The following DMTN variants were observed in gnomAD, a reference collection of about 807,000 sequenced individuals.
DMTN encodes the protein dematin actin binding protein.
A neutral mutation model predicts 59.4 loss-of-function variants in DMTN; 27 were observed. That is an observed-to-expected ratio of 0.45 (90% CI 0.33 to 0.63). The LOEUF is 0.63. Among genes scored for constraint, DMTN ranks in the 20% least tolerant of loss-of-function variants. The pLI, the probability that DMTN is intolerant of heterozygous loss-of-function variation, is 0.02. For synonymous variants in DMTN, 221 were observed against 203.7 expected (o/e 1.08, Z -0.72); for missense variants, 451 against 528.9 (o/e 0.85, Z 1.45).
chr8:22,059,440 C>T (rs1313294634), intron 1 of DMTN: 1 of 152,276 alleles, frequency 6.6e-6, no homozygotes, highest in Non-Finnish European at 1.5e-5. Flanking sequence ...ACACTCCCAG[C>T]TGCTCTTCTA....
chr8:22,069,654 C>A, intron 6 of DMTN, 136 bp downstream of exon 6: 4 of 896,236 alleles, frequency 4.5e-6, no homozygotes, highest in Non-Finnish European at 5.1e-6. Flanking sequence ...AGGCCAGGAC[C>A]CCTCCCAGAG....
chr8:22,077,057 G>A (rs984051950), intron 10 of DMTN, among the ~76,000 whole-genome samples: 9 of 152,256 alleles, frequency 5.9e-5, no homozygotes, highest in Non-Finnish European at 1.3e-4. Context: ...CACAGCTGGG[G>A]GCAGGATGGG....
rs534671645 is a variant in DMTN at position 22,060,212 on chromosome 8, G to T, written c.-172+3076G>T. Among the ~76,000 whole-genome samples the T allele has an allele frequency of 2.0e-5, 3 of 152,108 alleles. No individual in the cohort carries two copies. The highest frequency in any genetic ancestry group is 1.3e-4 in the Admixed American group (2 of 15,268). On this transcript the variant is annotated intron_variant, in intron 1 of 15. Coordinates refer to ENST00000358242, the MANE Select transcript of DMTN (RefSeq NM_001387751.1). The surrounding 1 kb of genome is among the most constrained non-coding windows in gnomAD (Gnocchi z 5.0). Reference sequence around the variant, plus strand: ...TTCTATCTCTTTGTGCACGGAGGTCGCTGGGACCTTGGGGATGCAGGCACA... The same window carrying T: ...TTCTATCTCTTTGTGCACGGAGGTCTCTGGGACCTTGGGGATGCAGGCACA...
chr8:22,081,213 T>G lies in DMTN; in HGVS notation c.1104+20T>G. 1 of 1,612,822 alleles carries G rather than the reference T, an allele frequency of 6.2e-7. No homozygotes were observed. The highest frequency in any genetic ancestry group is 8.5e-7 in the Non-Finnish European group (1 of 1,179,512). On this transcript the variant is annotated intron_variant, in intron 15 of 15. Coordinates refer to ENST00000358242, the MANE Select transcript of DMTN (RefSeq NM_001387751.1). ...CTTGAGGTAGGCAAGGAAGATGCCC[T>G]GGATGGGTGCGGGGCTGTCCACGGG...
upstream of DMTN, among the ~76,000 whole-genome samples, chr8:22,050,300 G>T (rs1406178009): frequency 6.6e-6 from 1 of 152,068 alleles, no homozygotes; most frequent in East Asian, 1.9e-4. Flanking sequence ...GACTTTGGGG[G>T]GTGGCTGGGG....
chr8:22,078,463 A>G (rs960815037), intron 10 of DMTN, among the ~76,000 whole-genome samples: 4 of 146,284 alleles, frequency 2.7e-5, no homozygotes, highest in Admixed American at 7.0e-5. Flanking sequence ...ATAGTTCCTC[A>G]TAGTTTTGAA....
At chr8:22,067,438 C>A in intron 3 of DMTN, 89 bp from the exon 4 acceptor site, 1 of 1,549,708 alleles carries the variant, frequency 6.5e-7, no homozygotes, top group Non-Finnish European at 8.7e-7. Flanking sequence ...GGTCCATTTT[C>A]TTGGTAATTG....
At chr8:22,078,786 T>C (rs1279685402) in intron 10 of DMTN, among the ~76,000 whole-genome samples, 1 of 136,752 alleles carries the variant, frequency 7.3e-6, no homozygotes, top group Admixed American at 8.4e-5. Context: ...TTCTGTAGTA[T>C]AATGTCAGAC....
At chr8:22,052,682 T>G (rs1442876813), upstream of DMTN, among the ~76,000 whole-genome samples, 2 of 152,174 alleles carry the variant, frequency 1.3e-5, no homozygotes, top group East Asian at 3.8e-4. Flanking sequence ...AAGCAACCTT[T>G]TTTTTTTCGT....
chr8:22,049,179 G>A (rs1801062473), upstream of DMTN: 2 of 150,574 alleles, frequency 1.3e-5, no homozygotes, highest in Admixed American at 6.6e-5. Context: ...CGGGCGGCCC[G>A]CGGACGCCAG....
At chr8:22,059,892 G>A (rs547377683) in intron 1 of DMTN, among the ~76,000 whole-genome samples, 19 of 152,286 alleles carry the variant, frequency 1.2e-4, no homozygotes, top group Admixed American at 1.0e-3. Flanking sequence ...AGAAGAGCGC[G>A]CCAGGATGAG....
chr8:22,082,174 G>C lies in DMTN; in HGVS notation c.*711G>C. The C allele has an allele frequency of 2.2e-6, 1 of 456,854 alleles. No homozygotes were observed. The highest frequency in any genetic ancestry group is 4.4e-6 in the Non-Finnish European group (1 of 226,986). The allele number at this position is 456,854 out of a possible 1,614,324, so 28.3% of individuals were successfully genotyped here. A position where few individuals can be genotyped will look rare whatever the true frequency, so the allele number is the denominator to read the frequency against. ...GCACTAAGCCAGGCACCGGGCAGAA[G>C]CTGGGCCTTCCGCCTCCCTTGGATG... is the stretch of plus-strand genomic sequence containing the variant. On this transcript the variant is annotated 3_prime_UTR_variant, in exon 16 of 16. Coordinates refer to ENST00000358242, the MANE Select transcript of DMTN (RefSeq NM_001387751.1).
At chr8:22,072,744 G>A (rs1294395597) in intron 9 of DMTN, among the ~76,000 whole-genome samples, 2 of 151,534 alleles carry the variant, frequency 1.3e-5, no homozygotes, top group African/African-American at 4.9e-5. Context: ...CAAAGTGCTT[G>A]AATTACAGGC....
At chr8:22,050,434 C>A (rs1157018115), upstream of DMTN, among the ~76,000 whole-genome samples, 1 of 152,158 alleles carries the variant, frequency 6.6e-6, no homozygotes, top group Non-Finnish European at 1.5e-5. Context: ...TCCGGCCCAC[C>A]CCTGCCCCTC....
intron 4 of DMTN, 129 bp downstream of exon 4, chr8:22,067,811 C>G: frequency 9.1e-7 from 1 of 1,097,806 alleles, no homozygotes; most frequent in Admixed American, 2.5e-5. Flanking sequence ...GAACTGTGCG[C>G]AGGAACCAAC....
upstream of DMTN, among the ~76,000 whole-genome samples, chr8:22,055,180 C>T (rs936868075): frequency 6.6e-6 from 1 of 152,172 alleles, no homozygotes; most frequent in African/African-American, 2.4e-5. Flanking sequence ...AGCTGTCCTT[C>T]CTGGCATCAG....
At chr8:22,049,878 G>T (rs1801166167), upstream of DMTN, among the ~76,000 whole-genome samples, 1 of 152,166 alleles carries the variant, frequency 6.6e-6, no homozygotes, top group Non-Finnish European at 1.5e-5. Context: ...GCCTAAAAAT[G>T]AGAGAGGAAG....
At chr8:22,071,190 G>A (rs575985185) in intron 8 of DMTN, among the ~76,000 whole-genome samples, 34 of 152,244 alleles carry the variant, frequency 2.2e-4, no homozygotes, top group African/African-American at 7.7e-4. Context: ...GCCACATCCC[G>A]AGTTCAAGCA....
At chr8:22,075,973 G>A (rs953030392) in intron 10 of DMTN, among the ~76,000 whole-genome samples, 1 of 152,198 alleles carries the variant, frequency 6.6e-6, no homozygotes, top group African/African-American at 2.4e-5. Flanking sequence ...CAGAGAAGAG[G>A]GAATGGATTT....
Sources: gnomAD v4.1 joint callset for allele counts (sites outside exome capture counted in the v4.1 genomes callset) on GRCh38, gnomAD v4.1.1 for gene constraint, Gnocchi (gnomAD v3.1) non-coding constraint, MANE v1.5 for transcripts, NCBI Gene and HGNC (gene_info 2026-07-23, HGNC 2026-07-21) for gene names.